Variants in BCO2 observed in about 807,000 individuals in gnomAD.
BCO2 encodes the protein beta-carotene oxygenase 2.
Under a neutral mutation model 65.8 loss-of-function variants are expected in BCO2, and 56 were observed. The observed-to-expected ratio is 0.85, with a 90% confidence interval of 0.69 to 1.06. The LOEUF (loss-of-function observed/expected upper bound fraction) is 1.06, where lower values mean the gene tolerates loss of function less well. Among genes scored for constraint, BCO2 ranks in the 50% least tolerant of loss-of-function variants. The pLI is 0.00. For synonymous variants in BCO2, 233 were observed against 242.3 expected, an observed-to-expected ratio of 0.96 and a Z score of 0.36; for missense variants, 675 against 698.5, an observed-to-expected ratio of 0.97 and a Z score of 0.38.
At chr11:112,211,540 A>G (rs1859512484) in intron 8 of BCO2, among the ~76,000 whole-genome samples, 2 of 152,160 alleles carry the variant, frequency 1.3e-5, no homozygotes, top group Non-Finnish European at 2.9e-5. Context: ...GGAACAACCA[A>G]ACTATTTTTC....
At chr11:112,181,180 C>CTTGTT (rs1867030995) in intron 2 of BCO2, 1 of 435,062 alleles carries the variant, frequency 2.3e-6, no homozygotes, top group Non-Finnish European at 3.9e-6. Context: ...GAGGAGCTTT[C>CTTGTT]TTTTTTTTTT....
intron 8 of BCO2, among the ~76,000 whole-genome samples, chr11:112,208,420 C>CTTTTTTTTTT (rs56317720): frequency 7.0e-6 from 1 of 143,012 alleles, no homozygotes. Context: ...TGTATATTGG[C>CTTTTTTTTTT]TTTTTTTTTT....
At chr11:112,187,724 G>C (rs1224520623) in intron 2 of BCO2, among the ~76,000 whole-genome samples, 1 of 152,128 alleles carries the variant, frequency 6.6e-6, no homozygotes, top group Non-Finnish European at 1.5e-5. Context: ...GATGCATCAC[G>C]ATCCCTCCCA....
chr11:112,205,510 A>T (rs1381450160), intron 8 of BCO2, among the ~76,000 whole-genome samples: 1 of 152,208 alleles, frequency 6.6e-6, no homozygotes, highest in African/African-American at 2.4e-5. Flanking sequence ...GGCTGGGTGC[A>T]GTGGCATGAT....
Position 112,217,959 on chromosome 11 carries a change from C to A in BCO2, c.*85C>A. ...ACTGGAGAAATAAACACTGAGGACT[C>A]CAAAAGGGGGGCAAGGAGGAAGAGG... On this transcript the variant is annotated 3_prime_UTR_variant, in exon 12 of 12. Transcript: ENST00000357685. 1 of 963,174 alleles carries A rather than the reference C, an allele frequency of 1.0e-6. No individual in the cohort carries two copies. The highest frequency in any genetic ancestry group is 1.6e-6 in the Non-Finnish European group (1 of 637,870). The allele number at this position is 963,174 out of a possible 1,614,324, so 59.7% of individuals were successfully genotyped here. A position where few individuals can be genotyped will look rare whatever the true frequency, so the allele number is the denominator to read the frequency against.
intron 2 of BCO2, among the ~76,000 whole-genome samples, chr11:112,187,009 C>T (rs1226573570): frequency 6.6e-6 from 1 of 152,208 alleles, no homozygotes; most frequent in Non-Finnish European, 1.5e-5. Flanking sequence ...CATGCCACTT[C>T]GACAAGGCCA....
intron 2 of BCO2, among the ~76,000 whole-genome samples, chr11:112,183,655 T>A (rs190435533): frequency 6.6e-6 from 1 of 152,344 alleles, no homozygotes; most frequent in Admixed American, 6.5e-5. Context: ...GTAAAGGTTG[T>A]TTAGGTTTAT....
Position 112,186,756 on chromosome 11 carries a change from C to G in BCO2, c.294-6718C>G, listed in dbSNP as rs2135357511. Among the ~76,000 whole-genome samples, 2 of 152,228 alleles carry G rather than the reference C, an allele frequency of 1.3e-5. 1 individual carries two copies. Among genetic ancestry groups the G allele is most frequent in the East Asian group, 3.9e-4 (2 of 5,188 alleles). ...CCTATAATCACAGTGCTTTGGGAGG[C>G]CAAGGCAGGAGGATGGCTTGAGGCC... On this transcript the variant is annotated intron_variant, in intron 2 of 11. Coordinates refer to ENST00000357685, the MANE Select transcript of BCO2 (RefSeq NM_031938.7).
chr11:112,204,392 G>A (rs992947458), intron 8 of BCO2, among the ~76,000 whole-genome samples: 5 of 152,168 alleles, frequency 3.3e-5, no homozygotes, highest in African/African-American at 9.7e-5. Context: ...ATTTTCATGA[G>A]GTGGTGATTT....
At chr11:112,204,476 G>A (rs1316492030) in intron 8 of BCO2, among the ~76,000 whole-genome samples, 1 of 152,098 alleles carries the variant, frequency 6.6e-6, no homozygotes, top group Non-Finnish European at 1.5e-5. Flanking sequence ...GAACAACATG[G>A]ATTCGAACTG....
At chr11:112,209,410 C>A (rs1289794887) in intron 8 of BCO2, among the ~76,000 whole-genome samples, 1 of 152,176 alleles carries the variant, frequency 6.6e-6, no homozygotes, top group African/African-American at 2.4e-5. Flanking sequence ...TCCTCTGTGT[C>A]TTTTGTGGCT....
chr11:112,183,827 G>A (rs1299330018), intron 2 of BCO2, among the ~76,000 whole-genome samples: 1 of 152,184 alleles, frequency 6.6e-6, no homozygotes, highest in Admixed American at 6.5e-5. Flanking sequence ...CTTACTGATT[G>A]AAACAGAGTG....
chr11:112,191,298 G>T (rs1240118304), intron 2 of BCO2, among the ~76,000 whole-genome samples: 3 of 151,908 alleles, frequency 2.0e-5, no homozygotes, highest in Non-Finnish European at 4.4e-5. Flanking sequence ...AACAATAAAA[G>T]GTAAGGTCAT....
intron 2 of BCO2, chr11:112,182,907 G>T: frequency 7.7e-7 from 1 of 1,294,744 alleles, no homozygotes. Context: ...GTGTAATTTT[G>T]AGGATCCTTC....
chr11:112,192,189 T>G (rs1867410108), intron 2 of BCO2, among the ~76,000 whole-genome samples: 1 of 152,196 alleles, frequency 6.6e-6, no homozygotes, highest in Non-Finnish European at 1.5e-5. Flanking sequence ...AGCATTTGTC[T>G]TTTTACGACT....
At chr11:112,208,040 A>G (rs182596677) in intron 8 of BCO2, among the ~76,000 whole-genome samples, 2 of 151,772 alleles carry the variant, frequency 1.3e-5, no homozygotes, top group Admixed American at 1.3e-4. Context: ...GCTCACTGCA[A>G]CCTCTGCCTC....
At chr11:112,212,690 A>C (rs1468424859) in intron 8 of BCO2, among the ~76,000 whole-genome samples, 2 of 152,208 alleles carry the variant, frequency 1.3e-5, no homozygotes, top group Non-Finnish European at 2.9e-5. Flanking sequence ...TGTCTGCCAA[A>C]GAAACCCACC....
chr11:112,199,143 G>A (rs1410773245), intron 5 of BCO2, among the ~76,000 whole-genome samples: 2 of 151,932 alleles, frequency 1.3e-5, no homozygotes, highest in Admixed American at 6.6e-5. Flanking sequence ...GGTGTGTGAC[G>A]TTCTCCTCCC....
intron 1 of BCO2, among the ~76,000 whole-genome samples, chr11:112,178,405 C>T (rs1245090845): frequency 6.6e-6 from 1 of 152,160 alleles, no homozygotes; most frequent in African/African-American, 2.4e-5. Flanking sequence ...TAACAACTTG[C>T]TAAAAGAATG....
Sources: allele counts gnomAD v4.1 joint callset (sites outside exome capture counted in the v4.1 genomes callset), GRCh38; gene constraint gnomAD v4.1.1; transcripts MANE v1.5; gene names NCBI Gene and HGNC (gene_info 2026-07-23, HGNC 2026-07-21).